Variants in ARID1B observed in about 807,000 individuals in gnomAD.
ARID1B encodes the protein AT-rich interactive domain-containing protein 1B.
In ARID1B, 30 loss-of-function variants were observed where a neutral mutation model predicts 212.3. That is an observed-to-expected ratio of 0.14 (90% CI 0.11 to 0.19). The LOEUF (loss-of-function observed/expected upper bound fraction) is 0.19, where lower values mean the gene tolerates loss of function less well. Among genes scored for constraint, ARID1B ranks in the 10% least tolerant of loss-of-function variants. The pLI is 1.00. For missense variants in ARID1B, 2,891 were observed against 3,204.0 expected (o/e 0.90, Z 2.36); for synonymous variants, 1,402 against 1,301.7 (o/e 1.08, Z -1.66).
At chr6:157,155,321 G>C (rs566489808) in intron 8 of ARID1B, among the ~76,000 whole-genome samples, 1 of 152,250 alleles carries the variant, frequency 6.6e-6, no homozygotes, top group Admixed American at 6.5e-5. Context: ...TGTGAATTGT[G>C]GGGGAGCAGA....
At chr6:157,039,723 CTTTCTT>C (rs1237202050) in intron 4 of ARID1B, among the ~76,000 whole-genome samples, 62 of 88,794 alleles carry the variant, frequency 7.0e-4, no homozygotes, top group Non-Finnish European at 1.1e-3. Flanking sequence ...TCCTTCCTTT[CTTTCTT>C]TCCCTCCCTC....
At chr6:157,085,008 C>A (rs1784875617) in intron 5 of ARID1B, 103 bp downstream of exon 5, 1 of 1,406,892 alleles carries the variant, frequency 7.1e-7, no homozygotes, top group Non-Finnish European at 9.5e-7. Context: ...ACCTAGTGGC[C>A]ACATATTAAG....
At chr6:157,054,645 A>G (rs1782823112) in intron 4 of ARID1B, among the ~76,000 whole-genome samples, 1 of 152,126 alleles carries the variant, frequency 6.6e-6, no homozygotes, top group Admixed American at 6.5e-5. Context: ...TCTTACCTAA[A>G]GAGCAAGGTT....
At chr6:157,066,546 T>C (rs1783688709) in intron 4 of ARID1B, among the ~76,000 whole-genome samples, 1 of 152,220 alleles carries the variant, frequency 6.6e-6, no homozygotes, top group African/African-American at 2.4e-5. Flanking sequence ...AACACTGTCT[T>C]GCTTGTATGA....
At chr6:156,810,027 G>A (rs1781455455) in intron 1 of ARID1B, among the ~76,000 whole-genome samples, 1 of 152,224 alleles carries the variant, frequency 6.6e-6, no homozygotes, top group African/African-American at 2.4e-5. Context: ...ACTGTCAGGT[G>A]CAGCAGGCCC....
intron 4 of ARID1B, among the ~76,000 whole-genome samples, chr6:156,957,249 G>A (rs777290635): frequency 2.0e-5 from 3 of 152,176 alleles, no homozygotes; most frequent in Non-Finnish European, 2.9e-5. Context: ...TGTGTCCCAC[G>A]TCTTTCTCCT....
chr6:156,860,171 T>G (rs1785229932), intron 2 of ARID1B, among the ~76,000 whole-genome samples: 1 of 152,244 alleles, frequency 6.6e-6, no homozygotes, highest in Admixed American at 6.5e-5. Flanking sequence ...AGAATATGCT[T>G]ACAAATTTTT....
At chr6:156,818,045 C>T (rs1473667138) in intron 1 of ARID1B, among the ~76,000 whole-genome samples, 1 of 148,186 alleles carries the variant, frequency 6.7e-6, no homozygotes, top group Non-Finnish European at 1.5e-5. Flanking sequence ...GCAATCTTCT[C>T]TCCTTCAGTG....
chr6:156,875,893 G>A (rs1786506792), intron 2 of ARID1B, among the ~76,000 whole-genome samples: 1 of 152,126 alleles, frequency 6.6e-6, no homozygotes, highest in Non-Finnish European at 1.5e-5. Flanking sequence ...ACATTTCTTT[G>A]AATAACATGT....
chr6:156,812,154 C>G (rs1172069725), intron 1 of ARID1B, among the ~76,000 whole-genome samples: 3 of 152,164 alleles, frequency 2.0e-5, no homozygotes, highest in Admixed American at 6.5e-5. Flanking sequence ...TTATTTGAAA[C>G]AGGGTCTTCC....
intron 2 of ARID1B, among the ~76,000 whole-genome samples, chr6:156,867,244 A>C (rs1583184350): frequency 6.6e-6 from 1 of 152,210 alleles, no homozygotes; most frequent in Non-Finnish European, 1.5e-5. Context: ...TCCTCCATGG[A>C]AAAGATGGTG....
chr6:156,778,949 GGCGGCGGCC>G lies in ARID1B; in HGVS notation c.1278_1286del (p.Ala431_Ala433del), dbSNP rs1330318097. 8.9e-5 allele frequency: 115 copies of G among 1,289,632 alleles called. No homozygotes were observed. The highest frequency in any genetic ancestry group is 1.1e-4 in the Non-Finnish European group (109 of 1,027,206). 79.9% of individuals were successfully genotyped at this position (1,289,632 alleles called of 1,614,324 possible). ...GAGGAGCAGGAGCGGGAGCTGTGGC[GGCGGCGGCC>G]GCGGCGGCGGCGGCAGCAGCAGGAG... On this transcript the variant is annotated inframe_deletion, in exon 1 of 20. Transcript: ENST00000636930.
intron 2 of ARID1B, among the ~76,000 whole-genome samples, chr6:156,866,659 A>G (rs896217042): frequency 1.3e-5 from 2 of 152,210 alleles, no homozygotes; most frequent in Non-Finnish European, 2.9e-5. Flanking sequence ...TCATAAAATG[A>G]AAACAGTTTG....
At chr6:157,057,809 T>C (rs1192686618) in intron 4 of ARID1B, among the ~76,000 whole-genome samples, 6 of 152,174 alleles carry the variant, frequency 3.9e-5, no homozygotes, top group African/African-American at 7.2e-5. Flanking sequence ...TGTGCTTGAT[T>C]CTAGAATCAA....
At chr6:157,022,626 A>G (rs898851426) in intron 4 of ARID1B, 5 of 152,346 alleles carry the variant, frequency 3.3e-5, no homozygotes, top group East Asian at 3.9e-4. Context: ...CAAGACATGC[A>G]TTTAATCCAA....
At chr6:157,023,201 C>G (rs1780438706) in intron 4 of ARID1B, 1 of 152,180 alleles carries the variant, frequency 6.6e-6, no homozygotes, top group South Asian at 2.1e-4. Flanking sequence ...TATTCCATAT[C>G]CTCTCCTCAC....
At chr6:156,933,776 G>GT (rs1049396809) in intron 3 of ARID1B, among the ~76,000 whole-genome samples, 11 of 152,056 alleles carry the variant, frequency 7.2e-5, no homozygotes, top group South Asian at 6.2e-4. Flanking sequence ...TTGTTTGTTT[G>GT]TTTTTTTGGT....
intron 4 of ARID1B, among the ~76,000 whole-genome samples, chr6:157,037,512 G>A (rs546051588): frequency 6.6e-6 from 1 of 152,298 alleles, no homozygotes; most frequent in South Asian, 2.1e-4. Context: ...AGGCAAGAAA[G>A]GAGGGCAGGA....
At chr6:156,959,925 CTT>C (rs138881152) in intron 4 of ARID1B, among the ~76,000 whole-genome samples, 4 of 122,564 alleles carry the variant, frequency 3.3e-5, no homozygotes, top group African/African-American at 6.2e-5. Flanking sequence ...TTGTCAGCTT[CTT>C]TTTTTTTTTT....
Sources: gnomAD v4.1 joint callset for allele counts (sites outside exome capture counted in the v4.1 genomes callset) on GRCh38, gnomAD v4.1.1 for gene constraint, MANE v1.5 for transcripts, NCBI Gene and HGNC (gene_info 2026-07-23, HGNC 2026-07-21) for gene names.